Variants in PAMR1 observed in about 807,000 individuals in gnomAD.
PAMR1 encodes inactive serine protease PAMR1.
PAMR1 carries 88 observed loss-of-function variants against 81.8 expected under a neutral mutation model. That is an observed-to-expected ratio of 1.08 (90% CI 0.91 to 1.28). The LOEUF (loss-of-function observed/expected upper bound fraction) is 1.28, where lower values mean the gene tolerates loss of function less well. Among genes scored for constraint, PAMR1 ranks in the 50% most tolerant of loss-of-function variants. The pLI is 0.00. For synonymous variants in PAMR1, 336 were observed against 345.3 expected, an observed-to-expected ratio of 0.97 and a Z score of 0.30; for missense variants, 935 against 919.7, an observed-to-expected ratio of 1.02 and a Z score of -0.21.
At position 35,460,578 on chromosome 11, in the gene PAMR1, G is replaced by T. The variant is rs1169202901; in HGVS notation, c.820+7423C>A. Reference sequence around the variant, plus strand: ...CCTATGAGTGAGAACATGCATGTTTGGTTTTTCGTCCTTGTGATAGTTTGC... The same window carrying T: ...CCTATGAGTGAGAACATGCATGTTTTGTTTTTCGTCCTTGTGATAGTTTGC... On this transcript the variant is annotated intron_variant, in intron 6 of 10. Transcript: ENST00000619888. 2.0e-5 allele frequency among the ~76,000 whole-genome samples: 3 copies of T among 151,964 alleles called. No homozygotes were observed. In the East Asian group the frequency reaches 5.8e-4, roughly 29 times the overall value.
chr11:35,445,487 T>C (rs940206852), intron 6 of PAMR1, among the ~76,000 whole-genome samples: 1 of 152,240 alleles, frequency 6.6e-6, no homozygotes, highest in Non-Finnish European at 1.5e-5. Context: ...TTGTCATAAA[T>C]GGCTTTTATT....
chr11:35,447,262 G>A (rs1160877592), intron 6 of PAMR1, among the ~76,000 whole-genome samples: 1 of 149,428 alleles, frequency 6.7e-6, no homozygotes, highest in African/African-American at 2.5e-5. Flanking sequence ...CAGTGCAGTG[G>A]TGCGATCTCG....
At position 35,434,650 on chromosome 11, in the gene PAMR1, C is replaced by CT; in HGVS notation, c.1487dup (p.Arg497AlafsTer12). The CT allele has an allele frequency of 3.1e-6, 5 of 1,614,210 alleles. No individual in the cohort carries two copies. The highest frequency in any genetic ancestry group is 4.2e-6 in the Non-Finnish European group (5 of 1,180,044). On this transcript the variant is annotated frameshift_variant, in exon 10 of 11. Transcript: ENST00000619888. LOFTEE classifies it high-confidence loss of function. Reference sequence around the variant, plus strand: ...AGTGGGCAGCCACCACCACAGTGCGCTCATTCACCAGGGCACCGCTGCAGA... The same window carrying CT: ...AGTGGGCAGCCACCACCACAGTGCGCTTCATTCACCAGGGCACCGCTGCAGA...
intron 4 of PAMR1, 44 bp downstream of exon 4, chr11:35,474,586 T>A (rs755670838): frequency 8.9e-7 from 1 of 1,129,588 alleles, no homozygotes; most frequent in African/African-American, 1.6e-5. Context: ...CATTTCTGTA[T>A]CCTTATAACC....
At chr11:35,519,245 C>T (rs759623148) in intron 1 of PAMR1, among the ~76,000 whole-genome samples, 81 of 152,232 alleles carry the variant, frequency 5.3e-4, no homozygotes, top group Admixed American at 9.2e-4. Flanking sequence ...TAAAACCCAT[C>T]TTAGGATTAG....
chr11:35,516,052 T>A (rs1341443361), intron 1 of PAMR1, among the ~76,000 whole-genome samples: 1 of 152,308 alleles, frequency 6.6e-6, no homozygotes, highest in East Asian at 1.9e-4. Context: ...TCTCAAGTAT[T>A]CCCATTTTGC....
chr11:35,513,818 C>T (rs1243343196), intron 1 of PAMR1, among the ~76,000 whole-genome samples: 1 of 152,180 alleles, frequency 6.6e-6, no homozygotes, highest in African/African-American at 2.4e-5. Context: ...CCCTCAGAAT[C>T]TCTGGAGGTG....
At chr11:35,529,598 T>C (rs1361812315), upstream of PAMR1, among the ~76,000 whole-genome samples, 3 of 152,222 alleles carry the variant, frequency 2.0e-5, no homozygotes, top group Non-Finnish European at 4.4e-5. Flanking sequence ...GTCTGAAGAA[T>C]AGTACCTGTT....
At chr11:35,513,149 G>T (rs1851103507) in intron 1 of PAMR1, among the ~76,000 whole-genome samples, 3 of 152,218 alleles carry the variant, frequency 2.0e-5, no homozygotes, top group Admixed American at 2.0e-4. Flanking sequence ...GTTTAGGGGA[G>T]ATATTGTTAT....
rs7121969 is a variant in PAMR1, at chr11:35,525,297, C to A, written c.73+216G>T. ...CCCACGATTTGGGATGACAAAACCA[C>A]GTCACAGTCTCAGGGAGGGCCACAG... On this transcript the variant is annotated intron_variant, in intron 1 of 10. Coordinates refer to ENST00000619888, the MANE Select transcript of PAMR1 (RefSeq NM_001001991.3). Among the ~76,000 whole-genome samples the A allele has an allele frequency of 7.3e-3, 1,107 of 152,226 alleles. 7 individuals are homozygous for A. The highest frequency in any genetic ancestry group is 0.024 in the Middle Eastern group (7 of 294).
At chr11:35,458,070 T>G (rs1856571958) in intron 6 of PAMR1, among the ~76,000 whole-genome samples, 1 of 152,110 alleles carries the variant, frequency 6.6e-6, no homozygotes, top group Non-Finnish European at 1.5e-5. Flanking sequence ...GTAAACATAA[T>G]CAAGTCCAGC....
intron 1 of PAMR1, among the ~76,000 whole-genome samples, chr11:35,518,093 G>C (rs1851201376): frequency 6.6e-6 from 1 of 152,064 alleles, no homozygotes. Context: ...CCAGTGCATT[G>C]GCCACAGGAC....
chr11:35,435,578 TAAAC>T (rs893767304), intron 9 of PAMR1, among the ~76,000 whole-genome samples: 8 of 152,268 alleles, frequency 5.3e-5, no homozygotes, highest in Admixed American at 2.0e-4. Context: ...AATTGGGGCT[TAAAC>T]AGGGTAGCCA....
intron 2 of PAMR1, 138 bp downstream of exon 2, chr11:35,493,958 C>A: frequency 1.5e-6 from 1 of 676,724 alleles, no homozygotes. Flanking sequence ...TTAGAATGGG[C>A]TGAATTGTGT....
Sources: allele counts gnomAD v4.1 joint callset (sites outside exome capture counted in the v4.1 genomes callset), GRCh38; gene constraint gnomAD v4.1.1; transcripts MANE v1.5; gene names NCBI Gene and HGNC (gene_info 2026-07-23, HGNC 2026-07-21).